Variants in NGEF observed in about 807,000 individuals in gnomAD.
The protein encoded by NGEF is neuronal guanine nucleotide exchange factor, also known as ephexin-1.
Under a neutral mutation model 80.9 loss-of-function variants are expected in NGEF, and 31 were observed. The observed-to-expected ratio is 0.38, with a 90% CI of 0.29 to 0.52. The LOEUF (loss-of-function observed/expected upper bound fraction) is 0.52. NGEF is among the 20% of genes least tolerant of loss of function. The pLI is 0.84. For synonymous variants in NGEF, 371 were observed against 370.2 expected (o/e 1.00, Z -0.03); for missense variants, 709 against 926.2 (o/e 0.77, Z 3.04).
At chr2:232,902,021 TC>T (rs1256356537) in intron 5 of NGEF, among the ~76,000 whole-genome samples, 1 of 152,160 alleles carries the variant, frequency 6.6e-6, no homozygotes, top group Non-Finnish European at 1.5e-5. Flanking sequence ...CCCACTCCTC[TC>T]TCTCCTCTAG....
chr2:232,899,095 G>A (rs1692188844), intron 5 of NGEF, among the ~76,000 whole-genome samples: 2 of 151,930 alleles, frequency 1.3e-5, no homozygotes, highest in South Asian at 2.1e-4. Context: ...GTGTAAATGA[G>A]TATGTATGAA....
intron 5 of NGEF, among the ~76,000 whole-genome samples, chr2:232,896,363 A>C (rs1439007414): frequency 6.6e-6 from 1 of 152,072 alleles, no homozygotes; most frequent in Non-Finnish European, 1.5e-5. Flanking sequence ...CAGCAGTTGG[A>C]GTTGGCCAGA....
At chr2:233,004,800 G>T (rs1424497421) in intron 1 of NGEF, among the ~76,000 whole-genome samples, 2 of 151,416 alleles carry the variant, frequency 1.3e-5, no homozygotes, top group East Asian at 3.9e-4. Flanking sequence ...TCCTCATCCT[G>T]CTGGGGGCCT....
intron 5 of NGEF, among the ~76,000 whole-genome samples, chr2:232,909,579 T>G (rs569414772): frequency 6.6e-6 from 1 of 152,220 alleles, no homozygotes; most frequent in Non-Finnish European, 1.5e-5. Flanking sequence ...AAAATTATCA[T>G]GCAGTAAAAA....
At chr2:232,932,108 A>G (rs548970827) in intron 3 of NGEF, among the ~76,000 whole-genome samples, 1 of 151,144 alleles carries the variant, frequency 6.6e-6, no homozygotes, top group East Asian at 1.9e-4. Context: ...AGAAGATACA[A>G]GTGTTCTCTA....
At chr2:232,966,419 A>G (rs1363235034) in intron 3 of NGEF, among the ~76,000 whole-genome samples, 3 of 152,030 alleles carry the variant, frequency 2.0e-5, no homozygotes, top group Admixed American at 6.6e-5. Flanking sequence ...TGCTTCCCCA[A>G]TCCCTGCTCA....
chr2:232,961,575 C>T (rs985023069), intron 3 of NGEF, among the ~76,000 whole-genome samples: 5 of 152,174 alleles, frequency 3.3e-5, no homozygotes, highest in Non-Finnish European at 7.3e-5. Context: ...TCACTGCAAG[C>T]TCCACCTCCT....
At position 232,927,201 on chromosome 2, in the gene NGEF, G is replaced by A; in HGVS notation, c.384-15C>T. ...AGGACGACTCACTGCCAGAGAGGGA[G>A]GAGGACAGGGGCTGGTTATTTTTAA... is the stretch of plus-strand genomic sequence containing the variant. On this transcript the variant is annotated splice_polypyrimidine_tract_variant and intron_variant, in intron 3 of 14. Coordinates refer to ENST00000264051, the MANE Select transcript of NGEF (RefSeq NM_019850.3). The A allele has an allele frequency of 2.6e-6, 4 of 1,565,798 alleles. No homozygotes were observed. The highest frequency in any genetic ancestry group is 1.7e-6 in the Non-Finnish European group (2 of 1,159,784).
chr2:232,888,427 T>C (rs570053471), intron 8 of NGEF, among the ~76,000 whole-genome samples: 28 of 152,124 alleles, frequency 1.8e-4, no homozygotes, highest in African/African-American at 6.3e-4. Flanking sequence ...CACACGTGCA[T>C]ACATGCTCAC....
rs1574982399 is a variant in NGEF at position 232,882,270 on chromosome 2, C to T, written c.1758-5G>A. The T allele has an allele frequency of 1.2e-6, 2 of 1,612,868 alleles. No homozygotes were observed. The highest frequency in any genetic ancestry group is 3.3e-5 in the Admixed American group (2 of 59,882). ...ATCCAACGCTTCATCTCACTCCTGG[C>T]ACAGGGAAGAGGACAGTGCCCCAAC... On this transcript the variant is annotated splice_polypyrimidine_tract_variant and splice_region_variant and intron_variant, in intron 12 of 14. Coordinates refer to ENST00000264051, the MANE Select transcript of NGEF (RefSeq NM_019850.3).
At chr2:232,968,694 T>C (rs6740154) in intron 3 of NGEF, among the ~76,000 whole-genome samples, 119,488 of 151,980 alleles carry the variant, frequency 0.79, 47,487 homozygotes, top group African/African-American at 0.89. Context: ...CATGAGCCAC[T>C]GCGCCTGGCC....
chr2:232,882,609 T>C (rs1246276215), intron 12 of NGEF, among the ~76,000 whole-genome samples: 1 of 152,206 alleles, frequency 6.6e-6, no homozygotes, highest in East Asian at 1.9e-4. Context: ...AAAGCCACAG[T>C]TTCTCATCCC....
At chr2:232,909,762 C>T (rs1692653442) in intron 5 of NGEF, among the ~76,000 whole-genome samples, 1 of 152,186 alleles carries the variant, frequency 6.6e-6, no homozygotes, top group South Asian at 2.1e-4. Context: ...TCCCATCTTG[C>T]CATGCTCCCC....
rs1691633692 is a variant in NGEF at position 232,885,117 on chromosome 2, CG to C, written c.1437+162del. 6.4e-6 allele frequency: 4 copies of C among 621,630 alleles called. No individual in the cohort carries two copies. The East Asian group carries it at 8.1e-5, about 13-fold the overall frequency. 38.5% of individuals were successfully genotyped at this position (621,630 alleles called of 1,614,324 possible). ...GTGGTGTCTGACGCCTGGTGGCAGG[CG>C]GGGTGGCTTCAGCTGGGGAGGTCAG... On this transcript the variant is annotated intron_variant, in intron 10 of 14. Coordinates refer to ENST00000264051, the MANE Select transcript of NGEF (RefSeq NM_019850.3).
At chr2:233,006,247 C>A (rs542502766) in intron 1 of NGEF, among the ~76,000 whole-genome samples, 1 of 152,322 alleles carries the variant, frequency 6.6e-6, no homozygotes, top group African/African-American at 2.4e-5. Flanking sequence ...TCTTTCCACA[C>A]CAGCATTTAC....
At chr2:232,982,569 A>G (rs1339611888) in intron 1 of NGEF, among the ~76,000 whole-genome samples, 1 of 152,148 alleles carries the variant, frequency 6.6e-6, no homozygotes, top group Non-Finnish European at 1.5e-5. Flanking sequence ...GCTGGAGTGC[A>G]GTGGCACGAT....
At chr2:232,957,679 T>G (rs1693857607) in intron 3 of NGEF, among the ~76,000 whole-genome samples, 1 of 152,198 alleles carries the variant, frequency 6.6e-6, no homozygotes, top group Non-Finnish European at 1.5e-5. Flanking sequence ...CCAGAGACAG[T>G]CCATGTGATC....
intron 9 of NGEF, 35 bp downstream of exon 9, chr2:232,887,998 C>T: frequency 6.5e-7 from 1 of 1,549,908 alleles, no homozygotes; most frequent in Non-Finnish European, 8.9e-7. Flanking sequence ...GAAAACAGTG[C>T]ATTGGGATAC....
chr2:232,966,768 C>T (rs72978168), intron 3 of NGEF, among the ~76,000 whole-genome samples: 37,036 of 152,094 alleles, frequency 0.24, 5,163 homozygotes, highest in Non-Finnish European at 0.31. Context: ...CAGGGCCCTT[C>T]CTTGGCCCCT....
Sources: gnomAD v4.1 joint callset for allele counts (sites outside exome capture counted in the v4.1 genomes callset) on GRCh38, gnomAD v4.1.1 for gene constraint, MANE v1.5 for transcripts, NCBI Gene and HGNC (gene_info 2026-07-23, HGNC 2026-07-21) for gene names.